The following ZNF521 variants were observed in gnomAD, a reference collection of about 807,000 sequenced individuals.
ZNF521 encodes zinc finger protein 521, also known as LYST-interacting protein 3.
Under a neutral mutation model 105.5 loss-of-function variants are expected in ZNF521, and 14 were observed. The observed-to-expected ratio is 0.13, with a 90% confidence interval of 0.09 to 0.21. ZNF521 has a LOEUF of 0.21. ZNF521 is among the 10% of genes least tolerant of loss of function. ZNF521 has a pLI of 1.00. For synonymous variants in ZNF521, 635 were observed against 606.0 expected (o/e 1.05, Z -0.70); for missense variants, 1,233 against 1,629.7 (o/e 0.76, Z 4.19).
chr18:25,326,644 G>T (rs561265943), intron 2 of ZNF521, among the ~76,000 whole-genome samples: 1 of 152,158 alleles, frequency 6.6e-6, no homozygotes. Flanking sequence ...CACAGTGCAG[G>T]CCCTCTGTCC....
chr18:25,311,506 G>C (rs1318581857), intron 3 of ZNF521, among the ~76,000 whole-genome samples: 3 of 152,050 alleles, frequency 2.0e-5, no homozygotes, highest in African/African-American at 7.2e-5. Flanking sequence ...CTAAACATTG[G>C]TGCTTACAAG....
intron 3 of ZNF521, among the ~76,000 whole-genome samples, chr18:25,245,973 A>T (rs1293623770): frequency 6.6e-6 from 1 of 152,154 alleles, no homozygotes; most frequent in Non-Finnish European, 1.5e-5. Context: ...ACTGCATTCC[A>T]GCCTGGGTGA....
intron 5 of ZNF521, among the ~76,000 whole-genome samples, chr18:25,183,394 T>G (rs2035665950): frequency 6.6e-6 from 1 of 152,194 alleles, no homozygotes; most frequent in Admixed American, 6.5e-5. Flanking sequence ...AACAGCACTT[T>G]GACTTAGTGA....
intron 3 of ZNF521, among the ~76,000 whole-genome samples, chr18:25,236,274 G>A (rs1308034704): frequency 1.3e-5 from 2 of 152,170 alleles, no homozygotes; most frequent in Admixed American, 6.5e-5. Flanking sequence ...GGTGGCTCAC[G>A]CCTGTAATCC....
intron 4 of ZNF521, among the ~76,000 whole-genome samples, chr18:25,206,988 G>C (rs2036091916): frequency 6.6e-6 from 1 of 151,970 alleles, no homozygotes; most frequent in Non-Finnish European, 1.5e-5. Context: ...CAAGTGGTAG[G>C]GTTCTTTTAA....
At chr18:25,282,516 G>A (rs753186426) in intron 3 of ZNF521, among the ~76,000 whole-genome samples, 3 of 152,082 alleles carry the variant, frequency 2.0e-5, no homozygotes, top group Non-Finnish European at 4.4e-5. Context: ...CCATCCGGCT[G>A]GCCAAGTATA....
chr18:25,203,623 A>G (rs1459765487), intron 4 of ZNF521, among the ~76,000 whole-genome samples: 1 of 152,104 alleles, frequency 6.6e-6, no homozygotes, highest in East Asian at 1.9e-4. Flanking sequence ...CCCATCTACT[A>G]CATGCCAGCC....
At chr18:25,075,118 C>T (rs36051235) in intron 7 of ZNF521, among the ~76,000 whole-genome samples, 19,562 of 152,184 alleles carry the variant, frequency 0.13, 1,409 homozygotes, top group South Asian at 0.17. Context: ...GAACACACAG[C>T]AACACTGCCA....
intron 5 of ZNF521, among the ~76,000 whole-genome samples, chr18:25,142,851 CTG>C (rs2034875302): frequency 1.3e-5 from 2 of 152,194 alleles, no homozygotes; most frequent in African/African-American, 2.4e-5. Context: ...ATTCAGGAGA[CTG>C]TTATTTAAGA....
intron 3 of ZNF521, among the ~76,000 whole-genome samples, chr18:25,257,248 T>C (rs549696574): frequency 6.6e-6 from 1 of 152,252 alleles, no homozygotes; most frequent in South Asian, 2.1e-4. Context: ...TTAGAAAAGA[T>C]CTATTTTAGA....
intron 5 of ZNF521, among the ~76,000 whole-genome samples, chr18:25,177,135 A>G (rs1382007478): frequency 6.6e-6 from 1 of 152,012 alleles, no homozygotes; most frequent in Non-Finnish European, 1.5e-5. Flanking sequence ...ATTTTATTGT[A>G]CACTTTAAAC....
chr18:25,332,030 A>T (rs1384228298), intron 2 of ZNF521, among the ~76,000 whole-genome samples: 2 of 151,460 alleles, frequency 1.3e-5, no homozygotes, highest in Non-Finnish European at 2.9e-5. Context: ...TCCACTAAAC[A>T]GATTTATTTC....
chr18:25,145,780 C>A (rs181372860), intron 5 of ZNF521, among the ~76,000 whole-genome samples: 1 of 152,268 alleles, frequency 6.6e-6, no homozygotes, highest in Middle Eastern at 3.4e-3. Context: ...AAACAGCATT[C>A]GAAATTCCAG....
At chr18:25,097,046 C>T (rs1227731433) in intron 5 of ZNF521, among the ~76,000 whole-genome samples, 1 of 152,176 alleles carries the variant, frequency 6.6e-6, no homozygotes, top group Non-Finnish European at 1.5e-5. Context: ...CTTTACTTTG[C>T]TTCTCCTCTT....
chr18:25,248,586 C>T (rs2144834155), intron 3 of ZNF521, among the ~76,000 whole-genome samples: 1 of 152,286 alleles, frequency 6.6e-6, no homozygotes, highest in Admixed American at 6.5e-5. Context: ...TCCTCTTATC[C>T]TGTGTACTTT....
At chr18:25,241,401 T>C (rs1314315420) in intron 3 of ZNF521, among the ~76,000 whole-genome samples, 1 of 152,232 alleles carries the variant, frequency 6.6e-6, no homozygotes. Flanking sequence ...AGTTCCATGG[T>C]GGCTCGAACA....
intron 3 of ZNF521, among the ~76,000 whole-genome samples, chr18:25,308,634 T>A (rs1241892906): frequency 6.9e-6 from 1 of 145,358 alleles, no homozygotes; most frequent in Non-Finnish European, 1.5e-5. Context: ...ATGTGCCAAG[T>A]TGGCCTTAAT....
Position 25,322,114 on chromosome 18 carries a change from C to G in ZNF521, c.114G>C (p.Gly38=). ...GCACAGCTTCGTCTTCCAACTCCTCCCCGTCTTCCGGCCTCTTCTTACAAT... is the reference window on the plus strand; with the variant it reads ...GCACAGCTTCGTCTTCCAACTCCTCGCCGTCTTCCGGCCTCTTCTTACAAT... ...ALDCKKRPED[G]EELEDEAVHS... is the part of the protein sequence containing the mutation. Residue 38 remains glycine (G), a synonymous_variant, in exon 3 of 8, where the codon GGG becomes GGC. Transcript: ENST00000361524. The G allele has an allele frequency of 6.2e-7, 1 of 1,614,200 alleles. No individual in the cohort carries two copies. The highest frequency in any genetic ancestry group is 8.5e-7 in the Non-Finnish European group (1 of 1,180,036).
At chr18:25,205,613 C>G (rs577896730) in intron 4 of ZNF521, among the ~76,000 whole-genome samples, 12 of 152,256 alleles carry the variant, frequency 7.9e-5, no homozygotes, top group African/African-American at 2.9e-4. Flanking sequence ...AAGCACACTG[C>G]ATCACCATCA....
Sources: allele counts gnomAD v4.1 joint callset (sites outside exome capture counted in the v4.1 genomes callset), GRCh38; gene constraint gnomAD v4.1.1; transcripts MANE v1.5; gene names NCBI Gene and HGNC (gene_info 2026-07-23, HGNC 2026-07-21).